Variants in KIF20B observed in about 807,000 individuals in gnomAD.
KIF20B encodes kinesin-like protein KIF20B.
Under a neutral mutation model 232.5 loss-of-function variants are expected in KIF20B, and 188 were observed. The observed-to-expected ratio is 0.81, with a 90% CI of 0.72 to 0.91. KIF20B has a LOEUF of 0.91. Among genes scored for constraint, KIF20B ranks in the 40% least tolerant of loss-of-function variants. The pLI is 0.00. For synonymous variants in KIF20B, 712 were observed against 683.0 expected (o/e 1.04, Z -0.66); for missense variants, 2,154 against 2,055.9 (o/e 1.05, Z -0.92).
chr10:89,743,528 A>G (rs927394096), intron 21 of KIF20B, among the ~76,000 whole-genome samples: 10 of 152,196 alleles, frequency 6.6e-5, no homozygotes, highest in Non-Finnish European at 1.5e-4. Context: ...TATAGATGTT[A>G]TGATAATTCT....
At position 89,719,684 on chromosome 10, in the gene KIF20B, T is replaced by C; in HGVS notation, c.1700T>C (p.Phe567Ser). 6.2e-7 allele frequency: 1 copy of C among 1,606,102 alleles called. No individual in the cohort carries two copies. Among genetic ancestry groups the C allele is most frequent in the South Asian group, 1.1e-5 (1 of 89,734 alleles). ...LDKTLEENKA[F>S]ISHEEKRKLL... ...AAAACATTAGAGGAAAATAAGGCTT[T>C]CATTAGCCACGAGGAGAAAAGAGTA... The change falls in exon 13 of 33, where the codon TTC becomes TCC. Residue 567 changes from phenylalanine (F) to serine (S), a missense_variant. Phe to Ser is a radical substitution (Grantham distance 155). Transcript: ENST00000371728.
intron 13 of KIF20B, among the ~76,000 whole-genome samples, chr10:89,721,132 T>A (rs1843047534): frequency 6.6e-6 from 1 of 152,210 alleles, no homozygotes; most frequent in Non-Finnish European, 1.5e-5. Flanking sequence ...ACATCACACA[T>A]CACAGTACTC....
chr10:89,715,574 A>G (rs1235009583), intron 8 of KIF20B, among the ~76,000 whole-genome samples: 1 of 152,226 alleles, frequency 6.6e-6, no homozygotes, highest in Non-Finnish European at 1.5e-5. Flanking sequence ...TAATAACATC[A>G]TGATTCAGTA....
intron 7 of KIF20B, among the ~76,000 whole-genome samples, chr10:89,714,567 C>T (rs1419456677): frequency 1.4e-4 from 22 of 152,002 alleles, no homozygotes; most frequent in Admixed American, 1.4e-3. Flanking sequence ...ATGACATAGT[C>T]GGTGATACCT....
intron 22 of KIF20B, among the ~76,000 whole-genome samples, chr10:89,745,042 T>C (rs920404332): frequency 2.6e-5 from 4 of 152,150 alleles, no homozygotes; most frequent in Non-Finnish European, 5.9e-5. Context: ...GTAAAAGGGG[T>C]GGAGAGCTCT....
intron 29 of KIF20B, among the ~76,000 whole-genome samples, chr10:89,764,762 ATTTG>A (rs1420895427): frequency 1.3e-5 from 2 of 151,064 alleles, no homozygotes; most frequent in African/African-American, 2.4e-5. Flanking sequence ...TTTCTTGTAA[ATTTG>A]TTTGAGTTCA....
intron 13 of KIF20B, among the ~76,000 whole-genome samples, chr10:89,720,070 T>C (rs376841485): frequency 6.6e-6 from 1 of 152,222 alleles, no homozygotes; most frequent in South Asian, 2.1e-4. Context: ...CCCAAAAAAT[T>C]TAATATTGAT....
chr10:89,755,842 C>T (rs982756804), intron 26 of KIF20B, among the ~76,000 whole-genome samples: 5 of 152,298 alleles, frequency 3.3e-5, no homozygotes, highest in African/African-American at 9.6e-5. Flanking sequence ...AGTCCTCCTG[C>T]CTCAGCTTCC....
rs1395617105 is a variant in KIF20B at position 89,719,706 on chromosome 10, A to T, written c.1722A>T (p.Arg574Ser). ...NKAFISHEEK[R>S]KLLDLIEDLK... ...CTTTCATTAGCCACGAGGAGAAAAG[A>T]GTATGTATTAAGAACTCATACTTCT... Residue 574 changes from arginine (R) to serine (S), a missense_variant and splice_region_variant, in exon 13 of 33, where the codon AGA (arginine) becomes AGT (serine). Coordinates refer to ENST00000371728, the MANE Select transcript of KIF20B (RefSeq NM_001284259.2). 1 of 1,593,530 alleles carries T rather than the reference A, an allele frequency of 6.3e-7. No individual in the cohort carries two copies. Among genetic ancestry groups the T allele is most frequent in the Non-Finnish European group, 8.5e-7 (1 of 1,170,736 alleles).
chr10:89,766,522 C>T (rs893833789), intron 29 of KIF20B: 14 of 152,202 alleles, frequency 9.2e-5, no homozygotes, highest in Admixed American at 5.9e-4. Flanking sequence ...TCAAGAACTA[C>T]GTGAAGAATG....
At chr10:89,760,973 A>G (rs946647865) in intron 28 of KIF20B, among the ~76,000 whole-genome samples, 2 of 152,124 alleles carry the variant, frequency 1.3e-5, no homozygotes, top group African/African-American at 4.8e-5. Context: ...ATTTTTTGGA[A>G]TTGTATCCAT....
At chr10:89,773,910 C>T (rs1010140794) in intron 32 of KIF20B, 61 bp from the exon 33 acceptor site, 6 of 1,032,512 alleles carry the variant, frequency 5.8e-6, no homozygotes, top group African/African-American at 1.6e-5. Flanking sequence ...TCATTATAAA[C>T]AAGCTTTTAT....
chr10:89,707,982 G>A (rs892532067), intron 2 of KIF20B, among the ~76,000 whole-genome samples: 1 of 152,170 alleles, frequency 6.6e-6, no homozygotes, highest in African/African-American at 2.4e-5. Flanking sequence ...ATGCTAAACA[G>A]ACTTTATATT....
chr10:89,716,503 C>G lies in KIF20B; in HGVS notation c.1008C>G (p.His336Gln). The change falls in exon 9 of 33, where the codon CAC becomes CAG. Residue 336 changes from histidine to glutamine, a missense_variant. Transcript: ENST00000371728. ...GACTTTTAAAACTAGGAATAAAGCACCAGAGTGTTGCCTTCACAAAATTGA... is the reference window on the plus strand; with the variant it reads ...GACTTTTAAAACTAGGAATAAAGCAGCAGAGTGTTGCCTTCACAAAATTGA... ...AYRLLKLGIKHQSVAFTKLNN... is the reference protein window; with the variant it reads ...AYRLLKLGIKQQSVAFTKLNN... 3.1e-6 allele frequency: 5 copies of G among 1,594,770 alleles called. No individual in the cohort carries two copies. The highest frequency in any genetic ancestry group is 4.3e-6 in the Non-Finnish European group (5 of 1,168,244).
intron 27 of KIF20B, 123 bp downstream of exon 27, chr10:89,759,005 G>C: frequency 1.9e-6 from 1 of 532,062 alleles, no homozygotes; most frequent in East Asian, 3.6e-5. Flanking sequence ...TATTTAAAAT[G>C]TGGAAATTTT....
intron 29 of KIF20B, among the ~76,000 whole-genome samples, chr10:89,764,165 T>C (rs1487413777): frequency 2.6e-5 from 4 of 151,036 alleles, no homozygotes; most frequent in Non-Finnish European, 5.9e-5. Context: ...TTTGTCCTTG[T>C]GATAGTTTAC....
In KIF20B at chr10:89,762,740, C is replaced by G. The variant is rs1272716608; in HGVS notation, c.4894C>G (p.Pro1632Ala). The G allele has an allele frequency of 6.2e-7, 1 of 1,613,310 alleles. No individual in the cohort carries two copies. Among genetic ancestry groups the G allele is most frequent in the Non-Finnish European group, 8.5e-7 (1 of 1,179,622 alleles). Residue 1632 changes from proline (P) to alanine (A), a missense_variant, in exon 29 of 33, where the codon CCA (proline) becomes GCA (alanine). Physicochemically the swap from Pro to Ala is conservative, Grantham distance 27 (BLOSUM62 -1). Transcript: ENST00000371728. ...AGAGATTCAATTTACACCTTTACAG[C>G]CAAACAAAATGGCAGTGAAACACCC... The part of the protein sequence containing the change: ...ELEIQFTPLQ[P>A]NKMAVKHPGC...
chr10:89,752,640 G>T lies in KIF20B; in HGVS notation c.4296G>T (p.Glu1432Asp). 1 of 1,604,808 alleles carries T rather than the reference G, an allele frequency of 6.2e-7. No individual in the cohort carries two copies. The highest frequency in any genetic ancestry group is 1.1e-5 in the South Asian group (1 of 89,604). Residue 1432 changes from glutamate to aspartate, a missense_variant, in exon 25 of 33, where the codon GAG (glutamate) becomes GAT (aspartate). Physicochemically the swap from Glu to Asp is conservative, Grantham distance 45 (BLOSUM62 2). Transcript: ENST00000371728. ...ATCAAAGGTCAAATAAAGAACATGAGAACAACACAGATGTGCTTGGAAAGC... is the reference window on the plus strand; with the variant it reads ...ATCAAAGGTCAAATAAAGAACATGATAACAACACAGATGTGCTTGGAAAGC... ...KNNQRSNKEHENNTDVLGKLT... is the reference protein window; with the variant it reads ...KNNQRSNKEHDNNTDVLGKLT...
chr10:89,768,572 A>T (rs758676798), intron 30 of KIF20B, among the ~76,000 whole-genome samples, 166 bp from the exon 31 acceptor site: 13 of 151,900 alleles, frequency 8.6e-5, no homozygotes, highest in Non-Finnish European at 1.8e-4. Flanking sequence ...TGCCTGTCAA[A>T]CTCTTTTTGC....
Sources: allele counts gnomAD v4.1 joint callset (sites outside exome capture counted in the v4.1 genomes callset), GRCh38; gene constraint gnomAD v4.1.1; transcripts MANE v1.5; gene names NCBI Gene and HGNC (gene_info 2026-07-23, HGNC 2026-07-21).